Variants in TLE1 observed in about 807,000 individuals in gnomAD.
The protein encoded by TLE1 is TLE family member 1, transcriptional corepressor, also known as transducin-like enhancer protein 1.
A neutral mutation model predicts 89.8 loss-of-function variants in TLE1; 21 were observed. That is an observed-to-expected ratio of 0.23 (90% CI 0.17 to 0.34). The LOEUF (loss-of-function observed/expected upper bound fraction) is 0.34, where lower values mean the gene tolerates loss of function less well. TLE1 is among the 10% of genes least tolerant of loss of function. The probability of loss-of-function intolerance (pLI) is 1.00; values close to 1 mark genes in which losing one functional copy is unlikely to be tolerated. For synonymous variants in TLE1, 447 were observed against 407.6 expected, an observed-to-expected ratio of 1.10 and a Z score of -1.16; for missense variants, 795 against 1,031.2, an observed-to-expected ratio of 0.77 and a Z score of 3.14.
intron 6 of TLE1, among the ~76,000 whole-genome samples, chr9:81,644,203 T>C (rs1199556199): frequency 2.0e-5 from 3 of 152,086 alleles, no homozygotes; most frequent in Non-Finnish European, 4.4e-5. Context: ...AAAGTTACCA[T>C]AGACCCAGTG....
intron 10 of TLE1, among the ~76,000 whole-genome samples, chr9:81,616,362 T>C (rs955639387): frequency 1.3e-5 from 2 of 151,836 alleles, no homozygotes; most frequent in African/African-American, 4.8e-5. Context: ...TTGTGCCTCA[T>C]GCTTAAGAAC....
intron 6 of TLE1, 39 bp downstream of exon 6, chr9:81,652,175 T>C (rs1156983519): frequency 1.3e-6 from 2 of 1,597,320 alleles, no homozygotes; most frequent in East Asian, 4.5e-5. Context: ...GAAAGCTGGT[T>C]ATACACACTG....
At chr9:81,615,390 G>C (rs2132111714) in intron 11 of TLE1, among the ~76,000 whole-genome samples, 1 of 151,428 alleles carries the variant, frequency 6.6e-6, no homozygotes, top group African/African-American at 2.4e-5. Context: ...GTTTCAGAGA[G>C]CTGTGTGGCA....
intron 4 of TLE1, among the ~76,000 whole-genome samples, chr9:81,674,972 T>C (rs776383012): frequency 1.3e-5 from 2 of 152,054 alleles, no homozygotes; most frequent in Non-Finnish European, 2.9e-5. Context: ...CTGGACAACA[T>C]AGTGAGACCT....
intron 4 of TLE1, among the ~76,000 whole-genome samples, chr9:81,663,232 G>A (rs1831040793): frequency 6.6e-6 from 1 of 152,182 alleles, no homozygotes; most frequent in Non-Finnish European, 1.5e-5. Context: ...GTGGTGCTGA[G>A]ACACAACAAT....
At chr9:81,631,622 C>T (rs1036276244) in intron 8 of TLE1, among the ~76,000 whole-genome samples, 16 of 152,296 alleles carry the variant, frequency 1.1e-4, no homozygotes, top group Admixed American at 5.9e-4. Flanking sequence ...ACTCAATGAA[C>T]ATAGCCATTT....
At chr9:81,669,860 C>G (rs185014597) in intron 4 of TLE1, among the ~76,000 whole-genome samples, 127 of 152,142 alleles carry the variant, frequency 8.3e-4, no homozygotes, top group African/African-American at 2.8e-3. Context: ...CTGGTTTGGC[C>G]GAGCGACTTT....
chr9:81,603,650 T>G (rs185190476), intron 14 of TLE1, among the ~76,000 whole-genome samples: 1 of 152,200 alleles, frequency 6.6e-6, no homozygotes, highest in South Asian at 2.1e-4. Flanking sequence ...ATTTACTGCC[T>G]CCAGCCCAAA....
At chr9:81,616,528 A>G (rs746797205) in intron 10 of TLE1, 118 bp downstream of exon 10, 7 of 951,464 alleles carry the variant, frequency 7.4e-6, no homozygotes, top group South Asian at 7.3e-5. Flanking sequence ...TCTTAATGTA[A>G]GAAGTTGCAA....
intron 14 of TLE1, among the ~76,000 whole-genome samples, chr9:81,607,703 G>A (rs815847): frequency 0.61 from 93,458 of 151,966 alleles, 29,296 homozygotes; most frequent in Middle Eastern, 0.67. Flanking sequence ...GGAAATGCTC[G>A]CAAGTGCCCC....
At chr9:81,593,349 T>C in intron 14 of TLE1, 75 bp from the exon 15 acceptor site, 1 of 1,465,346 alleles carries the variant, frequency 6.8e-7, no homozygotes, top group Non-Finnish European at 9.1e-7. Flanking sequence ...GGCAATGTGC[T>C]ACGACTATGA....
chr9:81,628,782 C>G (rs1409248264), intron 8 of TLE1, among the ~76,000 whole-genome samples: 1 of 152,178 alleles, frequency 6.6e-6, no homozygotes, highest in Non-Finnish European at 1.5e-5. Flanking sequence ...TGACCGGATG[C>G]ACCCAGCCTC....
rs746241827 is a variant in TLE1, at chr9:81,616,145, A to G, written c.766-11T>C. 6.3e-7 allele frequency: 1 copy of G among 1,592,456 alleles called. No homozygotes were observed. The highest frequency in any genetic ancestry group is 8.5e-7 in the Non-Finnish European group (1 of 1,173,482). ...CGGAGAAGAAGGGTCCTCAACAAGC[A>G]TAATCAAAAGTTTTCGTGATTTAGC... On this transcript the variant is annotated splice_polypyrimidine_tract_variant and intron_variant, in intron 10 of 19. Coordinates refer to ENST00000376499, the MANE Select transcript of TLE1 (RefSeq NM_005077.5).
intron 4 of TLE1, among the ~76,000 whole-genome samples, chr9:81,681,136 G>A (rs1332255599): frequency 1.3e-5 from 2 of 152,068 alleles, no homozygotes; most frequent in African/African-American, 4.8e-5. Context: ...AATTTACATG[G>A]CCTGAGATGT....
Position 81,687,418 on chromosome 9 carries a change from G to A in TLE1, c.41C>T (p.Ala14Val), listed in dbSNP as rs1759369039. ...GATAGTGAACTTGAAGGGCTGGCCTGCAGCCTGGTGCGGCGTCTGGGGGCG... is the reference window on the plus strand; with the variant it reads ...GATAGTGAACTTGAAGGGCTGGCCTACAGCCTGGTGCGGCGTCTGGGGGCG... ...QSRHPTPHQA[A>V]GQPFKFTIPE... is the part of the protein sequence containing the mutation. The change falls in exon 2 of 20, where the codon GCA (alanine) becomes GTA (valine). Residue 14 changes from alanine (A) to valine (V), a missense_variant. Transcript: ENST00000376499. 2 of 1,610,388 alleles carry A rather than the reference G, an allele frequency of 1.2e-6. No homozygotes were observed. The highest frequency in any genetic ancestry group is 2.2e-5 in the East Asian group (1 of 44,806).
chr9:81,600,969 C>G (rs988711903), intron 14 of TLE1, among the ~76,000 whole-genome samples: 3 of 152,166 alleles, frequency 2.0e-5, no homozygotes, highest in Non-Finnish European at 4.4e-5. Context: ...GCCAGCTTTC[C>G]CGGGCCTCCA....
intron 8 of TLE1, among the ~76,000 whole-genome samples, chr9:81,631,240 A>G (rs781088061): frequency 1.1e-4 from 16 of 151,996 alleles, no homozygotes; most frequent in Non-Finnish European, 2.4e-4. Flanking sequence ...CCCTCCACCC[A>G]CTCCAATGAA....
chr9:81,618,656 C>T (rs1824857870), intron 9 of TLE1, among the ~76,000 whole-genome samples: 1 of 152,114 alleles, frequency 6.6e-6, no homozygotes, highest in Non-Finnish European at 1.5e-5. Flanking sequence ...CACAGCAAAG[C>T]ACAAATGTTT....
At position 81,611,808 on chromosome 9, in the gene TLE1, G is replaced by A. The variant is rs756514936; in HGVS notation, c.1215C>T (p.Ala405=). 22 of 1,549,410 alleles carry A rather than the reference G, an allele frequency of 1.4e-5. No homozygotes were observed. The East Asian group carries it at 2.8e-4, about 20-fold the overall frequency. ...CGTAGGCCACCACGGCGGCCGCGGC[G>A]GCTGCGGCGCTCATCTGGGGCGACA... is the stretch of plus-strand genomic sequence containing the variant. ...HNMSPQMSAA[A]AAAAVVAYGR... The change falls in exon 13 of 20, where the codon GCC becomes GCT. Residue 405 remains alanine (A), a synonymous_variant. Transcript: ENST00000376499.
Sources: allele counts gnomAD v4.1 joint callset (sites outside exome capture counted in the v4.1 genomes callset), GRCh38; gene constraint gnomAD v4.1.1; transcripts MANE v1.5; gene names NCBI Gene and HGNC (gene_info 2026-07-23, HGNC 2026-07-21).